The following KCNH5 variants were observed in gnomAD, a reference collection of about 807,000 sequenced individuals.
The protein encoded by KCNH5 is voltage-gated delayed rectifier potassium channel KCNH5.
KCNH5 carries 46 observed loss-of-function variants against 96.1 expected under a neutral mutation model. The observed-to-expected ratio is 0.48, with a 90% CI of 0.38 to 0.61. The LOEUF (loss-of-function observed/expected upper bound fraction) is 0.61. KCNH5 is among the 20% of genes least tolerant of loss of function. KCNH5 has a pLI of 0.00. For synonymous variants in KCNH5, 439 were observed against 449.8 expected (o/e 0.98, Z 0.30); for missense variants, 907 against 1,225.8 (o/e 0.74, Z 3.88).
intron 1 of KCNH5, among the ~76,000 whole-genome samples, chr14:63,018,358 T>C (rs566820873): frequency 5.9e-5 from 9 of 151,970 alleles, no homozygotes; most frequent in East Asian, 1.9e-4. Context: ...GATGGAGTGA[T>C]AAACTTCCGC....
At chr14:62,818,834 T>TG (rs773398737) in intron 8 of KCNH5, among the ~76,000 whole-genome samples, 7 of 152,170 alleles carry the variant, frequency 4.6e-5, no homozygotes, top group Non-Finnish European at 7.3e-5. Flanking sequence ...ATACACACCG[T>TG]ATGATTCCAC....
At chr14:62,861,332 T>C (rs1043142489) in intron 7 of KCNH5, among the ~76,000 whole-genome samples, 6 of 151,790 alleles carry the variant, frequency 4.0e-5, no homozygotes, top group Non-Finnish European at 5.9e-5. Flanking sequence ...TGCAGTGACG[T>C]AATCACAGCT....
rs2139896064 is a variant in KCNH5, at chr14:62,705,016, C to T, written c.*2492G>A. ...CTCTTCATATCATGCACACAGAGAA[C>T]AGAGATGGCTGAAAAGACACTATGA... is the stretch of plus-strand genomic sequence containing the variant. On this transcript the variant is annotated 3_prime_UTR_variant, in exon 11 of 11. Coordinates refer to ENST00000322893, the MANE Select transcript of KCNH5 (RefSeq NM_139318.5). 1 of 152,076 alleles carries T rather than the reference C, an allele frequency of 6.6e-6. No homozygotes were observed. Among genetic ancestry groups the T allele is most frequent in the South Asian group, 2.1e-4 (1 of 4,830 alleles). 9.4% of individuals were successfully genotyped at this position (152,076 alleles called of 1,614,324 possible). A position where few individuals can be genotyped will look rare whatever the true frequency, so the allele number is the denominator to read the frequency against.
chr14:62,727,863 T>C (rs986354676), intron 10 of KCNH5, among the ~76,000 whole-genome samples: 4 of 150,724 alleles, frequency 2.7e-5, no homozygotes, highest in Admixed American at 6.6e-5. Context: ...CAAAAAGTAC[T>C]AAACAGACTA....
chr14:62,999,347 T>C (rs1455560537), intron 4 of KCNH5, among the ~76,000 whole-genome samples: 1 of 152,186 alleles, frequency 6.6e-6, no homozygotes, highest in Non-Finnish European at 1.5e-5. Flanking sequence ...TTGAGAAGTG[T>C]CTGTTCATAT....
chr14:62,997,920 ATT>A (rs1890939426), intron 4 of KCNH5, among the ~76,000 whole-genome samples: 1 of 148,266 alleles, frequency 6.7e-6, no homozygotes, highest in Non-Finnish European at 1.5e-5. Flanking sequence ...AAAAAAAAAA[ATT>A]AAAAAAAAAA....
chr14:62,909,072 A>G (rs1457876078), intron 7 of KCNH5, among the ~76,000 whole-genome samples: 62 of 104,570 alleles, frequency 5.9e-4, no homozygotes, highest in Middle Eastern at 9.1e-3. Context: ...TTGAGACGGA[A>G]TCTCGCTCTG....
At chr14:62,947,965 T>A (rs939880988) in intron 7 of KCNH5, among the ~76,000 whole-genome samples, 2 of 151,998 alleles carry the variant, frequency 1.3e-5, no homozygotes, top group Non-Finnish European at 2.9e-5. Context: ...CTCCCAATGC[T>A]ATCCCTCCCC....
At chr14:62,936,510 C>T (rs1889682583) in intron 7 of KCNH5, among the ~76,000 whole-genome samples, 1 of 150,334 alleles carries the variant, frequency 6.7e-6, no homozygotes, top group African/African-American at 2.5e-5. Flanking sequence ...CCTGTCTTTA[C>T]CAAAAAATAC....
chr14:62,876,093 G>A (rs1888367053), intron 7 of KCNH5, among the ~76,000 whole-genome samples: 1 of 152,148 alleles, frequency 6.6e-6, no homozygotes, highest in African/African-American at 2.4e-5. Context: ...CTTGAACCTG[G>A]GAGGCGGAGG....
At chr14:62,790,235 C>G (rs1461820337) in intron 9 of KCNH5, among the ~76,000 whole-genome samples, 1 of 151,728 alleles carries the variant, frequency 6.6e-6, no homozygotes, top group Non-Finnish European at 1.5e-5. Context: ...TATTTCTGGG[C>G]TCTCTGTTCT....
intron 6 of KCNH5, among the ~76,000 whole-genome samples, chr14:62,972,463 A>T (rs1890427857): frequency 6.6e-6 from 1 of 152,244 alleles, no homozygotes; most frequent in African/African-American, 2.4e-5. Flanking sequence ...TACAAAAGTA[A>T]ACATAGTCTT....
chr14:63,045,367 G>T lies in KCNH5; in HGVS notation c.-181C>A. 1.6e-6 allele frequency: 1 copy of T among 625,846 alleles called. No homozygotes were observed. The highest frequency in any genetic ancestry group is 2.9e-6 in the Non-Finnish European group (1 of 347,236). 38.8% of individuals were successfully genotyped at this position (625,846 alleles called of 1,614,324 possible). On this transcript the variant is annotated 5_prime_UTR_variant, in exon 1 of 11. Coordinates refer to ENST00000322893, the MANE Select transcript of KCNH5 (RefSeq NM_139318.5). ...AGCCCGACCCGGATGAGCAGCTCTG[G>T]GGAGGAGGACCAGGCAGTTCATGGT...
intron 8 of KCNH5, among the ~76,000 whole-genome samples, chr14:62,836,522 C>T (rs900800798): frequency 2.0e-5 from 3 of 151,998 alleles, no homozygotes; most frequent in Non-Finnish European, 4.4e-5. Context: ...ATAACATATT[C>T]GTAAGGATTC....
intron 10 of KCNH5, among the ~76,000 whole-genome samples, chr14:62,774,432 T>C (rs1212678581): frequency 1.3e-5 from 2 of 152,216 alleles, no homozygotes. Flanking sequence ...CAAAGGACAA[T>C]AGTCATACCT....
intron 10 of KCNH5, among the ~76,000 whole-genome samples, chr14:62,760,615 TAA>T (rs986425797): frequency 5.3e-5 from 8 of 152,226 alleles, no homozygotes; most frequent in African/African-American, 1.9e-4. Context: ...TGTCAACTTC[TAA>T]AAGTGTTGGA....
chr14:63,030,965 C>T (rs566646834), intron 1 of KCNH5, among the ~76,000 whole-genome samples: 33 of 152,258 alleles, frequency 2.2e-4, no homozygotes, highest in African/African-American at 7.5e-4. Flanking sequence ...AATGCAGAAC[C>T]TGGGACGCAC....
chr14:63,030,317 G>T (rs1454333128), intron 1 of KCNH5, among the ~76,000 whole-genome samples: 1 of 152,224 alleles, frequency 6.6e-6, no homozygotes. Context: ...AAGGATTTCA[G>T]AAGCTGTAAT....
At chr14:62,982,327 C>CA (rs33914097) in intron 5 of KCNH5, among the ~76,000 whole-genome samples, 4,028 of 141,642 alleles carry the variant, frequency 0.028, 116 homozygotes, top group East Asian at 0.16. Flanking sequence ...GACTCCGTCT[C>CA]AAAAAAAAAA....
Sources: gnomAD v4.1 joint callset for allele counts (sites outside exome capture counted in the v4.1 genomes callset) on GRCh38, gnomAD v4.1.1 for gene constraint, MANE v1.5 for transcripts, NCBI Gene and HGNC (gene_info 2026-07-23, HGNC 2026-07-21) for gene names.